The following IGF2BP2 variants were observed in gnomAD, a reference collection of about 807,000 sequenced individuals.
The protein encoded by IGF2BP2 is insulin-like growth factor 2 mRNA-binding protein 2.
In IGF2BP2, 17 loss-of-function variants were observed where a neutral mutation model predicts 75.8. That is an observed-to-expected ratio of 0.22 (90% CI 0.15 to 0.34). The LOEUF (loss-of-function observed/expected upper bound fraction) is 0.34, where lower values mean the gene tolerates loss of function less well. Ranked by LOEUF, IGF2BP2 falls within the 10% of genes least tolerant of loss-of-function variation. IGF2BP2 has a pLI of 1.00. For synonymous variants in IGF2BP2, 288 were observed against 295.6 expected, an observed-to-expected ratio of 0.97 and a Z score of 0.26; for missense variants, 516 against 772.4, an observed-to-expected ratio of 0.67 and a Z score of 3.93.
chr3:185,702,226 C>T (rs942767360), intron 2 of IGF2BP2, among the ~76,000 whole-genome samples: 1 of 152,140 alleles, frequency 6.6e-6, no homozygotes, highest in African/African-American at 2.4e-5. Context: ...AAGAGCACTC[C>T]TGCTGCTGGC....
intron 7 of IGF2BP2, among the ~76,000 whole-genome samples, chr3:185,676,994 A>G (rs957031756): frequency 3.6e-5 from 5 of 137,024 alleles, no homozygotes; most frequent in African/African-American, 8.1e-5. Context: ...ATGGAGATAT[A>G]TATATATGGA....
chr3:185,783,349 C>CA (rs765528298), intron 2 of IGF2BP2, among the ~76,000 whole-genome samples: 15 of 152,274 alleles, frequency 9.9e-5, no homozygotes, highest in East Asian at 5.8e-4. Context: ...CTAGGCCCTC[C>CA]AGGGTTACAG....
intron 2 of IGF2BP2, among the ~76,000 whole-genome samples, chr3:185,708,328 C>G (rs1309424533): frequency 6.6e-6 from 1 of 152,202 alleles, no homozygotes; most frequent in African/African-American, 2.4e-5. Context: ...TCCCCCTCCA[C>G]TGGCAAACCT....
At chr3:185,722,479 G>A (rs910625549) in intron 2 of IGF2BP2, 3 of 295,186 alleles carry the variant, frequency 1.0e-5, no homozygotes, top group Non-Finnish European at 2.0e-5. Context: ...ATGGATTTAA[G>A]TTTTCAATTT....
chr3:185,645,526 G>A lies in IGF2BP2; in HGVS notation c.*5C>T, dbSNP rs201382449. On this transcript the variant is annotated 3_prime_UTR_variant, in exon 16 of 16. Transcript: ENST00000382199. This position sits in a 1 kb window ranked among gnomAD's most constrained non-coding sequence, Gnocchi z 4.9. Reference sequence around the variant, plus strand: ...TCCGTTGTTTTGCTGGTGCCTGTGGGAGCCTCACTTGCTGCGCTGTGAGGC... The same window carrying A: ...TCCGTTGTTTTGCTGGTGCCTGTGGAAGCCTCACTTGCTGCGCTGTGAGGC... The A allele has an allele frequency of 2.9e-5, 47 of 1,601,102 alleles. No homozygotes were observed. The highest frequency in any genetic ancestry group is 8.3e-5 in the Admixed American group (5 of 59,982).
chr3:185,692,654 T>G, intron 5 of IGF2BP2, 45 bp downstream of exon 5: 1 of 1,474,464 alleles, frequency 6.8e-7, no homozygotes. Flanking sequence ...AATTCAAATA[T>G]AAAAACAAAT....
intron 2 of IGF2BP2, among the ~76,000 whole-genome samples, chr3:185,749,121 G>C (rs1179225265): frequency 6.6e-6 from 1 of 152,026 alleles, no homozygotes; most frequent in Non-Finnish European, 1.5e-5. Context: ...CCGAGATCAC[G>C]CCATTGCATT....
intron 2 of IGF2BP2, among the ~76,000 whole-genome samples, chr3:185,802,428 TCCTCAGAG>T: frequency 6.6e-6 from 1 of 152,120 alleles, no homozygotes; most frequent in Non-Finnish European, 1.5e-5. Flanking sequence ...AACAGAAGAT[TCCTCAGAG>T]CCGAGTTCAT....
At chr3:185,806,367 T>C (rs1011796784) in intron 2 of IGF2BP2, among the ~76,000 whole-genome samples, 2 of 152,202 alleles carry the variant, frequency 1.3e-5, no homozygotes, top group African/African-American at 4.8e-5. Flanking sequence ...CGTAGTGTTT[T>C]TTAACTCATA....
chr3:185,814,764 CA>C (rs1455302751), intron 2 of IGF2BP2, among the ~76,000 whole-genome samples: 1 of 151,798 alleles, frequency 6.6e-6, no homozygotes, highest in Admixed American at 6.6e-5. Flanking sequence ...GTTACTAAAC[CA>C]AAAAAGTAAC....
chr3:185,708,705 T>G (rs9877179), intron 2 of IGF2BP2, among the ~76,000 whole-genome samples: 10,641 of 152,110 alleles, frequency 0.07, 433 homozygotes, highest in East Asian at 0.14. Flanking sequence ...AGATCAAGTT[T>G]GAGAACCTTC....
At chr3:185,696,591 A>T (rs771089321) in intron 4 of IGF2BP2, 21 bp downstream of exon 4, 2 of 1,610,262 alleles carry the variant, frequency 1.2e-6, no homozygotes, top group East Asian at 4.5e-5. Flanking sequence ...CCAAAACCCA[A>T]AAGGCTTCCT....
intron 2 of IGF2BP2, among the ~76,000 whole-genome samples, chr3:185,699,661 TC>T (rs1413095894): frequency 1.3e-5 from 2 of 152,242 alleles, no homozygotes; most frequent in Non-Finnish European, 2.9e-5. Flanking sequence ...ATCTGCATAT[TC>T]TACACATTCT....
At chr3:185,795,978 T>C (rs1420612157) in intron 2 of IGF2BP2, among the ~76,000 whole-genome samples, 1 of 152,190 alleles carries the variant, frequency 6.6e-6, no homozygotes, top group Non-Finnish European at 1.5e-5. Context: ...AAAAAATTTT[T>C]AGAGATTGTA....
At chr3:185,797,383 A>G (rs1160422219) in intron 2 of IGF2BP2, among the ~76,000 whole-genome samples, 1 of 152,194 alleles carries the variant, frequency 6.6e-6, no homozygotes, top group African/African-American at 2.4e-5. Context: ...TCTTTTGGCC[A>G]TATCATTTGT....
At chr3:185,753,736 T>C (rs1221162913) in intron 2 of IGF2BP2, among the ~76,000 whole-genome samples, 2 of 152,192 alleles carry the variant, frequency 1.3e-5, no homozygotes, top group Admixed American at 6.5e-5. Flanking sequence ...CTGATATGGC[T>C]TGGATGTGTG....
chr3:185,787,346 T>C (rs1346563321), intron 2 of IGF2BP2, among the ~76,000 whole-genome samples: 1 of 152,128 alleles, frequency 6.6e-6, no homozygotes, highest in East Asian at 1.9e-4. Flanking sequence ...ATAAAAAATA[T>C]GTCATTTAAA....
chr3:185,797,584 CTG>C (rs1383082489), intron 2 of IGF2BP2, among the ~76,000 whole-genome samples: 2 of 152,146 alleles, frequency 1.3e-5, no homozygotes, highest in Non-Finnish European at 2.9e-5. Flanking sequence ...CAAGGAGAAA[CTG>C]TGCATCAGTC....
chr3:185,719,712 T>C (rs1290398493), intron 2 of IGF2BP2, among the ~76,000 whole-genome samples: 1 of 152,114 alleles, frequency 6.6e-6, no homozygotes, highest in African/African-American at 2.4e-5. Flanking sequence ...TGCACACCTG[T>C]AATCTCAGCT....
Sources: allele counts gnomAD v4.1 joint callset (sites outside exome capture counted in the v4.1 genomes callset), GRCh38; gene constraint gnomAD v4.1.1; non-coding constraint Gnocchi (gnomAD v3.1); transcripts MANE v1.5; gene names NCBI Gene and HGNC (gene_info 2026-07-23, HGNC 2026-07-21).